The following PACS2 variants were observed in gnomAD, a reference collection of about 807,000 sequenced individuals.
PACS2 encodes PACS1-like protein.
PACS2 carries 36 observed loss-of-function variants against 113.0 expected under a neutral mutation model. That is an observed-to-expected ratio of 0.32 (90% CI 0.24 to 0.42). The LOEUF is 0.42. Among genes scored for constraint, PACS2 ranks in the 10% least tolerant of loss-of-function variants. PACS2 has a pLI of 1.00. For missense variants in PACS2, 1,015 were observed against 1,239.5 expected, an observed-to-expected ratio of 0.82 and a Z score of 2.72; for synonymous variants, 589 against 536.1, an observed-to-expected ratio of 1.10 and a Z score of -1.36.
At chr14:105,390,144 C>A in intron 20 of PACS2, 141 bp downstream of exon 20, 2 of 818,850 alleles carry the variant, frequency 2.4e-6, no homozygotes, top group Non-Finnish European at 4.3e-6. Flanking sequence ...TCCCATCTGG[C>A]CTGTCTCAAA....
At chr14:105,338,439 C>T (rs1555401003) in intron 1 of PACS2, among the ~76,000 whole-genome samples, 1 of 152,136 alleles carries the variant, frequency 6.6e-6, no homozygotes, top group African/African-American at 2.4e-5. Context: ...GGTGTTTGTC[C>T]TTTGCTGTCT....
chr14:105,343,197 T>C (rs1288135104), intron 1 of PACS2, among the ~76,000 whole-genome samples: 2 of 152,218 alleles, frequency 1.3e-5, no homozygotes, highest in Non-Finnish European at 2.9e-5. Flanking sequence ...CACGATGCCT[T>C]CCAGATCCAT....
chr14:105,363,416 G>A (rs1187294992), intron 4 of PACS2, among the ~76,000 whole-genome samples: 4 of 152,196 alleles, frequency 2.6e-5, no homozygotes, highest in East Asian at 1.9e-4. Context: ...CAGCTTCTCC[G>A]TCAGCACTTG....
At chr14:105,379,624 G>C (rs2080908937) in intron 9 of PACS2, 115 bp from the exon 10 acceptor site, 1 of 822,876 alleles carries the variant, frequency 1.2e-6, no homozygotes, top group African/African-American at 1.7e-5. Flanking sequence ...ACCCAGCTCT[G>C]CTCTGCCGTT....
intron 20 of PACS2, chr14:105,390,952 G>A (rs1248704859): frequency 1.8e-6 from 1 of 557,450 alleles, no homozygotes; most frequent in South Asian, 2.2e-5. Flanking sequence ...CAGCTGCCCT[G>A]AGGGCCGACT....
rs1278636866 is a variant in PACS2 at position 105,381,058 on chromosome 14, G to C, written c.1227G>C (p.Gly409=). 1.9e-6 allele frequency: 3 copies of C among 1,612,384 alleles called. No homozygotes were observed. Among genetic ancestry groups the C allele is most frequent in the Non-Finnish European group, 2.5e-6 (3 of 1,179,768 alleles). ...DVFTERLPPS[G]RITKTESLVI... is the part of the protein sequence containing the mutation. ...TCACGGAGAGGCTGCCGCCCAGCGGGAGGATCACCAAGACAGAGTCCCTTG... is the reference window on the plus strand; with the variant it reads ...TCACGGAGAGGCTGCCGCCCAGCGGCAGGATCACCAAGACAGAGTCCCTTG... Residue 409 remains glycine (G), a synonymous_variant, in exon 12 of 25, where the codon GGG becomes GGC. Transcript: ENST00000447393.
chr14:105,368,859 G>A (rs1877136221), intron 7 of PACS2, among the ~76,000 whole-genome samples: 1 of 152,240 alleles, frequency 6.6e-6, no homozygotes, highest in Admixed American at 6.5e-5. Context: ...GTCCCGTCAG[G>A]TGCCCACATA....
At chr14:105,306,230 A>C (rs587763461) in intron 1 of PACS2, among the ~76,000 whole-genome samples, 1 of 152,280 alleles carries the variant, frequency 6.6e-6, no homozygotes, top group South Asian at 2.1e-4. Flanking sequence ...ACGCCTAGGC[A>C]CCTGCAAACT....
At chr14:105,383,136 T>C in intron 15 of PACS2, 1 of 636,076 alleles carries the variant, frequency 1.6e-6, no homozygotes, top group Non-Finnish European at 2.8e-6. Flanking sequence ...GGTGGCCTCC[T>C]GGCCTGTCCT....
rs1045450827 is a variant in PACS2, at chr14:105,394,322, C to G, written c.2597-232C>G. The G allele has an allele frequency of 4.5e-5, 44 of 985,182 alleles. No individual in the cohort carries two copies. The African/African-American group carries it at 7.5e-4, about 17-fold the overall frequency. 61.0% of individuals were successfully genotyped at this position (985,182 alleles called of 1,614,324 possible). ...GCCCTGGGGGAAATGCTGCCCTCCCCACCCCCCAGGGCTCTGAGTGTGGAG... is the reference window on the plus strand; with the variant it reads ...GCCCTGGGGGAAATGCTGCCCTCCCGACCCCCCAGGGCTCTGAGTGTGGAG... On this transcript the variant is annotated intron_variant, in intron 24 of 24. Coordinates refer to ENST00000447393, the MANE Select transcript of PACS2 (RefSeq NM_001100913.3).
rs750203349 is a variant in PACS2 at position 105,318,149 on chromosome 14, T to TTTG, written c.119+3125_119+3127dup. Among the ~76,000 whole-genome samples the TTTG allele has an allele frequency of 2.6e-3, 401 of 152,336 alleles. 2 individuals are homozygous for TTTG. The highest frequency in any genetic ancestry group is 8.7e-3 in the African/African-American group (360 of 41,572). On this transcript the variant is annotated intron_variant, in intron 1 of 24. Coordinates refer to ENST00000447393, the MANE Select transcript of PACS2 (RefSeq NM_001100913.3). ...TATTAATTTGTTTTTATTTATGTAT[T>TTTG]TTGTTGTTGTTGTTGCAGAGACAGG...
At chr14:105,339,692 T>A (rs868954339) in intron 1 of PACS2, among the ~76,000 whole-genome samples, 3 of 148,294 alleles carry the variant, frequency 2.0e-5, no homozygotes, top group South Asian at 4.2e-4. Context: ...CAAGATTCTG[T>A]CTCTATTAAA....
intron 1 of PACS2, among the ~76,000 whole-genome samples, chr14:105,338,207 G>A (rs1310636171): frequency 6.6e-6 from 1 of 152,210 alleles, no homozygotes; most frequent in Non-Finnish European, 1.5e-5. Flanking sequence ...TGGCGCTGGG[G>A]CTCTGCCCAG....
intron 1 of PACS2, among the ~76,000 whole-genome samples, chr14:105,316,577 A>C (rs1253698857): frequency 6.6e-6 from 1 of 152,196 alleles, no homozygotes; most frequent in Non-Finnish European, 1.5e-5. Flanking sequence ...ATGAGCAGCA[A>C]AGTCTTTAAC....
chr14:105,308,571 C>T (rs1399367390), intron 1 of PACS2, among the ~76,000 whole-genome samples: 1 of 151,474 alleles, frequency 6.6e-6, no homozygotes, highest in African/African-American at 2.4e-5. Flanking sequence ...CAACCTCCGC[C>T]TCCTGGGTTC....
rs1555415496 is a variant in PACS2 at position 105,393,241 on chromosome 14, A to G, written c.2502A>G (p.Lys834=). The change falls in exon 24 of 25, where the codon AAA becomes AAG. Residue 834 remains lysine, a synonymous_variant. Transcript: ENST00000447393. ...TCCCAGTGATGTTTCTGCCCAAGAA[A>G]GCGAAGGACAAGGACGTGGAGTCTA... The part of the protein sequence containing the change: ...KNKKVMFLPK[K]AKDKDVESKS... The G allele has an allele frequency of 1.9e-6, 3 of 1,612,820 alleles. No individual in the cohort carries two copies. The highest frequency in any genetic ancestry group is 2.2e-5 in the South Asian group (2 of 91,088).
rs975562698 is a variant in PACS2, at chr14:105,323,013, C to T, written c.119+7976C>T. ...GGCAGGGCGTCCCTGGCTTTGACTT[C>T]CAGCTTTGCTGTAAGAGGTCAGCGG... On this transcript the variant is annotated intron_variant, in intron 1 of 24. Transcript: ENST00000447393. The surrounding 1 kb of genome is among the most constrained non-coding windows in gnomAD (Gnocchi z 4.1). Among the ~76,000 whole-genome samples the T allele has an allele frequency of 2.0e-5, 3 of 152,186 alleles. No individual in the cohort carries two copies. The highest frequency in any genetic ancestry group is 7.2e-5 in the African/African-American group (3 of 41,444).
At position 105,354,201 on chromosome 14, in the gene PACS2, C is replaced by T. The variant is rs2060341656; in HGVS notation, c.298-851C>T. On this transcript the variant is annotated intron_variant, in intron 3 of 24. Coordinates refer to ENST00000447393, the MANE Select transcript of PACS2 (RefSeq NM_001100913.3). This position sits in a 1 kb window ranked among gnomAD's most constrained non-coding sequence, Gnocchi z 4.2. ...ACTCAGAGTTCACAAGCAATCCCAG[C>T]TCTTCGGGAGGCTGAGGCAGGAGGA... Among the ~76,000 whole-genome samples the T allele has an allele frequency of 6.6e-6, 1 of 152,166 alleles. No individual in the cohort carries two copies. Among genetic ancestry groups the T allele is most frequent in the Admixed American group, 6.5e-5 (1 of 15,278 alleles).
At chr14:105,383,588 C>CGTGGCGTGGCGTGTTGT (rs1329704105) in intron 16 of PACS2, 75 bp downstream of exon 16, 10 of 1,395,542 alleles carry the variant, frequency 7.2e-6, no homozygotes, top group East Asian at 2.4e-5. Context: ...AGTGGTGTGG[C>CGTGGCGTGGCGTGTTGT]GTGGCGTGGC....
Sources: gnomAD v4.1 joint callset for allele counts (sites outside exome capture counted in the v4.1 genomes callset) on GRCh38, gnomAD v4.1.1 for gene constraint, Gnocchi (gnomAD v3.1) non-coding constraint, MANE v1.5 for transcripts, NCBI Gene and HGNC (gene_info 2026-07-23, HGNC 2026-07-21) for gene names.